ZBTB2: variants seen among roughly 807,000 people sequenced by gnomAD.
ZBTB2 encodes the protein zinc finger and BTB domain-containing protein 2.
Under a neutral mutation model 39.5 loss-of-function variants are expected in ZBTB2, and 2 were observed. That is an observed-to-expected ratio of 0.05 (90% CI 0.02 to 0.16). ZBTB2 has a LOEUF of 0.16. Among genes scored for constraint, ZBTB2 ranks in the 10% least tolerant of loss-of-function variants. The pLI is 1.00. For synonymous variants in ZBTB2, 251 were observed against 256.6 expected (o/e 0.98, Z 0.21); for missense variants, 391 against 653.0 (o/e 0.60, Z 4.37).
intron 1 of ZBTB2, among the ~76,000 whole-genome samples, chr6:151,373,946 G>A (rs559193302): frequency 1.7e-3 from 255 of 150,760 alleles, no homozygotes; most frequent in African/African-American, 5.9e-3. Context: ...GATGGTAATG[G>A]AGAAGCCAGG....
intron 1 of ZBTB2, among the ~76,000 whole-genome samples, chr6:151,380,451 C>T (rs1275144377): frequency 6.6e-6 from 1 of 152,220 alleles, no homozygotes; most frequent in African/African-American, 2.4e-5. Context: ...TTCCATGAGG[C>T]TTAACTGGCC....
intron 2 of ZBTB2, among the ~76,000 whole-genome samples, chr6:151,371,792 T>C (rs1264302249): frequency 1.3e-5 from 2 of 152,028 alleles, no homozygotes; most frequent in Admixed American, 1.3e-4. Context: ...CCAATAGTAA[T>C]GTGGAGAATG....
At chr6:151,387,940 T>C (rs1250291745) in intron 1 of ZBTB2, among the ~76,000 whole-genome samples, 2 of 152,220 alleles carry the variant, frequency 1.3e-5, no homozygotes, top group East Asian at 3.8e-4. Flanking sequence ...CTGAATCTTA[T>C]TTACTATCAA....
chr6:151,381,421 T>G (rs1779032722), intron 1 of ZBTB2, among the ~76,000 whole-genome samples: 1 of 151,980 alleles, frequency 6.6e-6, no homozygotes. Flanking sequence ...CTCAAGAGGC[T>G]GAGGCAGAAG....
intron 1 of ZBTB2, among the ~76,000 whole-genome samples, chr6:151,375,816 G>T (rs147065362): frequency 6.6e-6 from 1 of 151,976 alleles, no homozygotes; most frequent in Non-Finnish European, 1.5e-5. Flanking sequence ...TGATCCACCC[G>T]CCTCGGCCTC....
At position 151,365,755 on chromosome 6, in the gene ZBTB2, C is replaced by T; in HGVS notation, c.1311G>A (p.Met437Ile). 1 of 1,614,194 alleles carries T rather than the reference C, an allele frequency of 6.2e-7. No homozygotes were observed. The highest frequency in any genetic ancestry group is 8.5e-7 in the Non-Finnish European group (1 of 1,180,052). ...ELCTFEEGSQ[M>I]DNMLVQTNKP... Reference sequence around the variant, plus strand: ...TGTTTGTTTGCACCAGCATGTTGTCCATCTGACTCCCTTCCTCAAATGTGC... The same window carrying T: ...TGTTTGTTTGCACCAGCATGTTGTCTATCTGACTCCCTTCCTCAAATGTGC... Residue 437 changes from methionine (M) to isoleucine (I), a missense_variant, in exon 3 of 3, where the codon ATG becomes ATA. Around this residue, in one of 7 missense-constraint regions of ZBTB2, gnomAD observed 32 missense variants for 73.5 expected, o/e 0.44. Coordinates refer to ENST00000325144, the MANE Select transcript of ZBTB2 (RefSeq NM_020861.3). The surrounding 1 kb of genome is among the most constrained non-coding windows in gnomAD (Gnocchi z 5.6).
intron 1 of ZBTB2, among the ~76,000 whole-genome samples, chr6:151,379,655 A>G (rs893127804): frequency 6.6e-6 from 1 of 150,940 alleles, no homozygotes; most frequent in South Asian, 2.1e-4. Flanking sequence ...AAAAAAAAAA[A>G]AAAAAGAAAA....
At chr6:151,378,689 A>G (rs948751118) in intron 1 of ZBTB2, among the ~76,000 whole-genome samples, 11 of 152,216 alleles carry the variant, frequency 7.2e-5, no homozygotes, top group African/African-American at 2.7e-4. Flanking sequence ...GCTCCCTGCC[A>G]TGTCCTCTGA....
Position 151,366,685 on chromosome 6 carries a change from T to A in ZBTB2, c.381A>T (p.Pro127=). The A allele has an allele frequency of 6.2e-7, 1 of 1,614,016 alleles. No individual in the cohort carries two copies. ...GAFSHPDQVF[P]LASSLYGIQI... ...GAATGCCATACAATGAAGAAGCCAG[T>A]GGGAAAACTTGGTCAGGGTGAGAAA... The change falls in exon 3 of 3, where the codon CCA becomes CCT. Residue 127 remains proline, a synonymous_variant. Coordinates refer to ENST00000325144, the MANE Select transcript of ZBTB2 (RefSeq NM_020861.3). The surrounding 1 kb of genome is among the most constrained non-coding windows in gnomAD (Gnocchi z 7.1).
chr6:151,386,764 T>C (rs1779162625), intron 1 of ZBTB2, among the ~76,000 whole-genome samples: 1 of 152,200 alleles, frequency 6.6e-6, no homozygotes, highest in Non-Finnish European at 1.5e-5. Context: ...CTTTTTGGTG[T>C]TGGGATCCCT....
chr6:151,373,417 G>A (rs1356353861), intron 2 of ZBTB2, 48 bp downstream of exon 2: 3 of 1,603,882 alleles, frequency 1.9e-6, no homozygotes, highest in Admixed American at 1.7e-5. Context: ...GGGACATGGA[G>A]GTTAAGAAGT....
chr6:151,371,600 G>A (rs111383343), intron 2 of ZBTB2, among the ~76,000 whole-genome samples: 43 of 152,254 alleles, frequency 2.8e-4, no homozygotes, highest in African/African-American at 9.1e-4. Context: ...GGGCCCAGTC[G>A]CAGATGAGAC....
chr6:151,370,123 T>C, intron 2 of ZBTB2: 1 of 973,988 alleles, frequency 1.0e-6, no homozygotes, highest in Non-Finnish European at 1.2e-6. Context: ...AGTTTCCAGA[T>C]ATGTTTGACA....
chr6:151,388,080 T>G (rs2114883927), intron 1 of ZBTB2, among the ~76,000 whole-genome samples: 1 of 152,260 alleles, frequency 6.6e-6, no homozygotes, highest in African/African-American at 2.4e-5. Context: ...TTTTTTTTCT[T>G]CAGGGAAATA....
intron 1 of ZBTB2, among the ~76,000 whole-genome samples, chr6:151,383,111 G>A (rs1055598938): frequency 1.3e-5 from 2 of 151,350 alleles, no homozygotes; most frequent in East Asian, 2.0e-4. Flanking sequence ...TAGTAGAGAC[G>A]GGGTTTCACC....
chr6:151,376,331 G>A (rs1045830674), intron 1 of ZBTB2, among the ~76,000 whole-genome samples: 2 of 152,170 alleles, frequency 1.3e-5, no homozygotes, highest in South Asian at 2.1e-4. Context: ...ATGAGAACTT[G>A]ATAAACTGGA....
intron 1 of ZBTB2, among the ~76,000 whole-genome samples, chr6:151,390,320 G>C (rs1262608079): frequency 7.2e-6 from 1 of 138,602 alleles, no homozygotes; most frequent in African/African-American, 2.8e-5. Context: ...GGGGCCCTCT[G>C]GCCCCCTCCG....
intron 2 of ZBTB2, among the ~76,000 whole-genome samples, chr6:151,369,925 C>T (rs537203284): frequency 6.6e-6 from 1 of 151,458 alleles, no homozygotes; most frequent in South Asian, 2.1e-4. Flanking sequence ...AACAAACAAA[C>T]AAACAAAAAA....
At chr6:151,381,639 C>T (rs889660682) in intron 1 of ZBTB2, among the ~76,000 whole-genome samples, 2 of 152,228 alleles carry the variant, frequency 1.3e-5, no homozygotes, top group African/African-American at 4.8e-5. Flanking sequence ...CAGGGTCCTG[C>T]ACCATCTAAT....
Sources: gnomAD v4.1 joint callset for allele counts (sites outside exome capture counted in the v4.1 genomes callset) on GRCh38, gnomAD v4.1.1 for gene constraint, gnomAD v4.1.1 regional missense constraint, Gnocchi (gnomAD v3.1) non-coding constraint, MANE v1.5 for transcripts, NCBI Gene and HGNC (gene_info 2026-07-23, HGNC 2026-07-21) for gene names.